NBAS: variants seen among roughly 807,000 people sequenced by gnomAD.
The protein encoded by NBAS is NBAS subunit of NRZ tethering complex.
A neutral mutation model predicts 302.5 loss-of-function variants in NBAS; 219 were observed. The ratio of observed to expected loss-of-function variants is 0.72; its 90% CI spans 0.65 to 0.81. The LOEUF (loss-of-function observed/expected upper bound fraction) is 0.81. Ranked by LOEUF, NBAS falls within the 30% of genes least tolerant of loss-of-function variation. The probability of loss-of-function intolerance (pLI) is 0.00; values close to 1 mark genes in which losing one functional copy is unlikely to be tolerated. For synonymous variants in NBAS, 1,118 were observed against 1,021.6 expected (o/e 1.09, Z -1.80); for missense variants, 2,932 against 2,841.6 (o/e 1.03, Z -0.72).
chr2:15,500,500 TCTCACA>T (rs1253896686), intron 11 of NBAS, among the ~76,000 whole-genome samples: 41 of 112,158 alleles, frequency 3.7e-4, no homozygotes, highest in African/African-American at 1.4e-3. Context: ...ATTTTAGAAG[TCTCACA>T]CACACACACA....
rs139305280 is a variant in NBAS, at chr2:15,320,881, T to C, written c.4582+6869A>G. 4.6e-3 allele frequency among the ~76,000 whole-genome samples: 699 copies of C among 152,228 alleles called. 13 individuals are homozygous for C. The East Asian group carries it at 0.063, about 14-fold the overall frequency. On this transcript the variant is annotated intron_variant, in intron 38 of 51. Transcript: ENST00000281513. ...GCTACCAATGACTTTCTTCATAGAATTGGAAAAAACTACTTTAAAGTTCAT... is the reference window on the plus strand; with the variant it reads ...GCTACCAATGACTTTCTTCATAGAACTGGAAAAAACTACTTTAAAGTTCAT...
chr2:15,193,958 G>A (rs957115457), intron 48 of NBAS, among the ~76,000 whole-genome samples: 5 of 151,760 alleles, frequency 3.3e-5, no homozygotes, highest in African/African-American at 1.2e-4. Context: ...GGAGTTGCAA[G>A]CCTAAAGAAC....
chr2:14,999,758 A>G, the NBAS span, among the ~76,000 whole-genome samples: 1 of 152,196 alleles, frequency 6.6e-6, no homozygotes, highest in Non-Finnish European at 1.5e-5. Context: ...GGACTAATAC[A>G]TTATCTATTA....
the NBAS span, among the ~76,000 whole-genome samples, chr2:14,937,229 C>A: frequency 6.6e-6 from 1 of 152,092 alleles, no homozygotes; most frequent in Non-Finnish European, 1.5e-5. Context: ...TGACAGGTGG[C>A]ATAGTAGATT....
intron 42 of NBAS, among the ~76,000 whole-genome samples, chr2:15,280,249 A>G (rs1245396779): frequency 6.6e-6 from 1 of 152,182 alleles, no homozygotes; most frequent in African/African-American, 2.4e-5. Context: ...TAAGAAAAAC[A>G]AATTTATTTA....
At chr2:15,170,160 G>A (rs1664226836) in intron 51 of NBAS, among the ~76,000 whole-genome samples, 1 of 152,180 alleles carries the variant, frequency 6.6e-6, no homozygotes, top group African/African-American at 2.4e-5. Context: ...AGGTAGTGAT[G>A]GATTCTTCCA....
At chr2:15,498,854 CT>C (rs1681172093) in intron 11 of NBAS, among the ~76,000 whole-genome samples, 2 of 151,676 alleles carry the variant, frequency 1.3e-5, no homozygotes, top group African/African-American at 4.8e-5. Flanking sequence ...CCCAGTCATG[CT>C]TCCTGTTAAG....
At chr2:15,182,298 T>C (rs964569548) in intron 50 of NBAS, among the ~76,000 whole-genome samples, 3 of 152,242 alleles carry the variant, frequency 2.0e-5, no homozygotes, top group Admixed American at 6.5e-5. Context: ...AAATGCATCA[T>C]CTCATTTAAT....
At chr2:15,117,384 T>C in the NBAS span, among the ~76,000 whole-genome samples, 1 of 152,212 alleles carries the variant, frequency 6.6e-6, no homozygotes, top group African/African-American at 2.4e-5. Flanking sequence ...GCTGCTCACC[T>C]GTGGCTTAGC....
At chr2:14,958,439 G>GT in the NBAS span, among the ~76,000 whole-genome samples, 1 of 152,208 alleles carries the variant, frequency 6.6e-6, no homozygotes, top group Non-Finnish European at 1.5e-5. Flanking sequence ...GCTGCTCACA[G>GT]AGGGTCTCTG....
the NBAS span, among the ~76,000 whole-genome samples, chr2:15,039,017 C>CAT: frequency 6.6e-6 from 1 of 152,154 alleles, no homozygotes; most frequent in Non-Finnish European, 1.5e-5. Context: ...CACCAAAACC[C>CAT]TAGGAATAAA....
At chr2:15,126,825 C>G in the NBAS span, among the ~76,000 whole-genome samples, 1 of 152,186 alleles carries the variant, frequency 6.6e-6, no homozygotes, top group Non-Finnish European at 1.5e-5. Flanking sequence ...AAGCACGCTA[C>G]AAACTTGATT....
chr2:15,424,213 T>C, intron 23 of NBAS, 102 bp downstream of exon 23: 1 of 1,298,640 alleles, frequency 7.7e-7, no homozygotes. Flanking sequence ...ATTATATACA[T>C]GATTCCTGCA....
At chr2:15,311,650 A>C (rs10173491) in intron 38 of NBAS, among the ~76,000 whole-genome samples, 36,307 of 152,116 alleles carry the variant, frequency 0.24, 4,747 homozygotes, top group Middle Eastern at 0.39. Flanking sequence ...TGAGCTGACA[A>C]ACCTCTGTTA....
Position 15,430,340 on chromosome 2 carries a change from T to C in NBAS, c.2340-2546A>G, listed in dbSNP as rs182248151. ...AGGTACAGCACAACCAGTCTGTTTC[T>C]AAATTTGCTGATCACACTGATATGA... On this transcript the variant is annotated intron_variant, in intron 21 of 51. Coordinates refer to ENST00000281513, the MANE Select transcript of NBAS (RefSeq NM_015909.4). Among the ~76,000 whole-genome samples the C allele has an allele frequency of 5.3e-4, 80 of 152,294 alleles. 1 individual carries two copies. The highest frequency in any genetic ancestry group is 4.7e-4 in the Non-Finnish European group (32 of 68,020).
At chr2:15,009,716 A>ATATG in the NBAS span, among the ~76,000 whole-genome samples, 40 of 147,256 alleles carry the variant, frequency 2.7e-4, no homozygotes, top group African/African-American at 9.8e-4. Context: ...ATATATATAT[A>ATATG]TATACGGTGC....
At chr2:15,398,645 G>T (rs1675996487) in intron 26 of NBAS, among the ~76,000 whole-genome samples, 1 of 152,026 alleles carries the variant, frequency 6.6e-6, no homozygotes, top group Non-Finnish European at 1.5e-5. Flanking sequence ...ATAGCAAATG[G>T]ATGTATTCAT....
the NBAS span, among the ~76,000 whole-genome samples, chr2:14,911,839 T>C: frequency 1.3e-5 from 2 of 152,176 alleles, no homozygotes; most frequent in Non-Finnish European, 2.9e-5. Context: ...TTTCCCCACC[T>C]GTAAAATAGG....
chr2:14,845,111 T>C, the NBAS span, among the ~76,000 whole-genome samples: 1 of 152,226 alleles, frequency 6.6e-6, no homozygotes, highest in Admixed American at 6.5e-5. Context: ...CCCAGTGCTC[T>C]GCTGGCTTTA....
Sources: gnomAD v4.1 joint callset for allele counts (sites outside exome capture counted in the v4.1 genomes callset) on GRCh38, gnomAD v4.1.1 for gene constraint, MANE v1.5 for transcripts, NCBI Gene and HGNC (gene_info 2026-07-23, HGNC 2026-07-21) for gene names.